The following SLC24A2 variants were observed in gnomAD, a reference collection of about 807,000 sequenced individuals.
The protein encoded by SLC24A2 is sodium/potassium/calcium exchanger 2.
A neutral mutation model predicts 62.0 loss-of-function variants in SLC24A2; 36 were observed. The ratio of observed to expected loss-of-function variants is 0.58; its 90% CI spans 0.44 to 0.77. The LOEUF (loss-of-function observed/expected upper bound fraction) is 0.77, where lower values mean the gene tolerates loss of function less well. Ranked by LOEUF, SLC24A2 falls within the 30% of genes least tolerant of loss-of-function variation. SLC24A2 has a pLI of 0.00. For synonymous variants in SLC24A2, 358 were observed against 294.0 expected (o/e 1.22, Z -2.23); for missense variants, 846 against 817.9 (o/e 1.03, Z -0.42).
chr9:19,736,406 A>C (rs1478222041), intron 2 of SLC24A2, among the ~76,000 whole-genome samples: 2 of 152,220 alleles, frequency 1.3e-5, no homozygotes, highest in African/African-American at 4.8e-5. Flanking sequence ...CCTGCAGCTT[A>C]CAAGAGATAC....
the SLC24A2 span, among the ~76,000 whole-genome samples, chr9:20,068,179 C>T: frequency 6.6e-6 from 1 of 150,418 alleles, no homozygotes; most frequent in Non-Finnish European, 1.5e-5. Flanking sequence ...TTATCTGCCT[C>T]CATCTCCTGA....
At chr9:19,879,593 G>A in the SLC24A2 span, among the ~76,000 whole-genome samples, 1 of 152,048 alleles carries the variant, frequency 6.6e-6, no homozygotes, top group Non-Finnish European at 1.5e-5. Flanking sequence ...AGTAATAGTA[G>A]TATCAGAAAA....
intron 2 of SLC24A2, among the ~76,000 whole-genome samples, chr9:19,642,015 G>C (rs1159732567): frequency 6.6e-6 from 1 of 152,138 alleles, no homozygotes; most frequent in African/African-American, 2.4e-5. Context: ...CATTAGGGTA[G>C]AGTCTGACTC....
the SLC24A2 span, among the ~76,000 whole-genome samples, chr9:20,242,146 C>T: frequency 6.6e-6 from 1 of 152,164 alleles, no homozygotes; most frequent in African/African-American, 2.4e-5. Flanking sequence ...ATTCTTTTTC[C>T]TGCCCCCCAC....
chr9:19,528,377 T>C (rs1833534536), intron 8 of SLC24A2, among the ~76,000 whole-genome samples: 1 of 152,200 alleles, frequency 6.6e-6, no homozygotes, highest in Non-Finnish European at 1.5e-5. Context: ...GATGGAAATC[T>C]TGAAGAGAAT....
At chr9:19,873,212 CCTCCCTCT>C in the SLC24A2 span, among the ~76,000 whole-genome samples, 1 of 146,684 alleles carries the variant, frequency 6.8e-6, no homozygotes, top group Non-Finnish European at 1.5e-5. Flanking sequence ...TTCCTCCCTC[CCTCCCTCT>C]CTCCCTTCCT....
Position 19,510,418 on chromosome 9 carries a change from A to G in SLC24A2, c.*5735T>C, listed in dbSNP as rs190729626. The G allele has an allele frequency of 7.2e-6, 1 of 139,214 alleles. No individual in the cohort carries two copies. The highest frequency in any genetic ancestry group is 1.5e-5 in the Non-Finnish European group (1 of 65,466). The allele number at this position is 139,214 out of a possible 1,614,324, so 8.6% of individuals were successfully genotyped here. A position where few individuals can be genotyped will look rare whatever the true frequency, so the allele number is the denominator to read the frequency against. Reference sequence around the variant, plus strand: ...GGGGCAAAGAGTGAAGAGTGCCCAGATGCAGTTACTTTTTGCCAAAAAAAA... The same window carrying G: ...GGGGCAAAGAGTGAAGAGTGCCCAGGTGCAGTTACTTTTTGCCAAAAAAAA... On this transcript the variant is annotated 3_prime_UTR_variant, in exon 11 of 11. Transcript: ENST00000341998.
At chr9:20,033,045 G>T in the SLC24A2 span, among the ~76,000 whole-genome samples, 7 of 152,280 alleles carry the variant, frequency 4.6e-5, no homozygotes, top group East Asian at 1.3e-3. Flanking sequence ...TAGAGTTCAT[G>T]CGTCCCCTGA....
chr9:19,881,309 G>A, the SLC24A2 span, among the ~76,000 whole-genome samples: 1 of 152,198 alleles, frequency 6.6e-6, no homozygotes, highest in South Asian at 2.1e-4. Flanking sequence ...AGCAAATAGT[G>A]TCCCCAGAAG....
intron 2 of SLC24A2, among the ~76,000 whole-genome samples, chr9:19,754,043 T>A (rs1281749515): frequency 6.6e-6 from 1 of 152,156 alleles, no homozygotes; most frequent in Non-Finnish European, 1.5e-5. Flanking sequence ...TTAAAAAAAA[T>A]TTTAAAAACT....
At chr9:20,083,059 A>G in the SLC24A2 span, among the ~76,000 whole-genome samples, 6 of 152,292 alleles carry the variant, frequency 3.9e-5, no homozygotes, top group African/African-American at 1.4e-4. Flanking sequence ...GGGGTCATTA[A>G]GCATATCTCC....
chr9:20,231,828 T>A, the SLC24A2 span, among the ~76,000 whole-genome samples: 2 of 152,192 alleles, frequency 1.3e-5, no homozygotes, highest in South Asian at 4.1e-4. Context: ...TCATAGGTAA[T>A]GCTTCCAGTT....
the SLC24A2 span, among the ~76,000 whole-genome samples, chr9:20,220,759 C>A: frequency 6.6e-6 from 1 of 152,100 alleles, no homozygotes; most frequent in Non-Finnish European, 1.5e-5. Context: ...TGCTAAGATC[C>A]AGGATGGAGT....
intron 2 of SLC24A2, among the ~76,000 whole-genome samples, chr9:19,630,939 T>A (rs369294000): frequency 8.5e-4 from 129 of 152,290 alleles, no homozygotes; most frequent in African/African-American, 3.0e-3. Context: ...GTCACGAAGA[T>A]GAGTTATAAA....
At chr9:19,553,973 T>A (rs1475261339) in intron 7 of SLC24A2, among the ~76,000 whole-genome samples, 2 of 152,088 alleles carry the variant, frequency 1.3e-5, no homozygotes, top group African/African-American at 4.8e-5. Flanking sequence ...CCCAAATTCA[T>A]ATGTTGAAGC....
chr9:20,093,604 T>G, the SLC24A2 span, among the ~76,000 whole-genome samples: 1 of 152,200 alleles, frequency 6.6e-6, no homozygotes, highest in East Asian at 1.9e-4. Flanking sequence ...ACATTTATTA[T>G]TATAGAGGTA....
Position 19,671,210 on chromosome 9 carries a change from T to C in SLC24A2, c.931-48911A>G, listed in dbSNP as rs1489247316. Among the ~76,000 whole-genome samples the C allele has an allele frequency of 4.0e-5, 6 of 151,800 alleles. No individual in the cohort carries two copies. The South Asian group carries it at 6.3e-4, about 16-fold the overall frequency. ...GGGACATGTTTATTTGTTTGTGTCA[T>C]CTATGATTTCTTTCAGCAGTGTTTC... On this transcript the variant is annotated intron_variant, in intron 2 of 10. Transcript: ENST00000341998.
intron 7 of SLC24A2, among the ~76,000 whole-genome samples, chr9:19,571,331 G>A (rs1835830726): frequency 6.6e-6 from 1 of 152,164 alleles, no homozygotes; most frequent in Non-Finnish European, 1.5e-5. Context: ...TCTGTTAAAT[G>A]AAGAAACTTT....
At chr9:20,003,110 G>A in the SLC24A2 span, among the ~76,000 whole-genome samples, 1 of 152,188 alleles carries the variant, frequency 6.6e-6, no homozygotes, top group Admixed American at 6.5e-5. Flanking sequence ...GGTGGTGAGG[G>A]AAGGATTTTG....
Sources: allele counts gnomAD v4.1 joint callset (sites outside exome capture counted in the v4.1 genomes callset), GRCh38; gene constraint gnomAD v4.1.1; transcripts MANE v1.5; gene names NCBI Gene and HGNC (gene_info 2026-07-23, HGNC 2026-07-21).